Variants in UBN2 observed in about 807,000 individuals in gnomAD.
UBN2 encodes ubinuclein 2.
A neutral mutation model predicts 120.2 loss-of-function variants in UBN2; 35 were observed. That is an observed-to-expected ratio of 0.29 (90% CI 0.22 to 0.39). The LOEUF is 0.39. UBN2 is among the 10% of genes least tolerant of loss of function. UBN2 has a pLI of 1.00. For synonymous variants in UBN2, 661 were observed against 648.7 expected (o/e 1.02, Z -0.29); for missense variants, 1,693 against 1,663.2 (o/e 1.02, Z -0.31).
the UBN2 span, among the ~76,000 whole-genome samples, chr7:139,327,646 C>G: frequency 1.3e-5 from 2 of 152,148 alleles, no homozygotes; most frequent in Non-Finnish European, 2.9e-5. Context: ...GCCTCACCTC[C>G]CAACACTTGC....
At position 139,293,534 on chromosome 7, in the gene UBN2, A is replaced by G. The variant is rs1057493081; in HGVS notation, c.3901+71A>G. 7 of 1,323,736 alleles carry G rather than the reference A, an allele frequency of 5.3e-6. No homozygotes were observed. In the East Asian group the frequency reaches 9.3e-5, roughly 18 times the overall value. 82.0% of individuals were successfully genotyped at this position (1,323,736 alleles called of 1,614,324 possible). On this transcript the variant is annotated intron_variant, in intron 16 of 17. Transcript: ENST00000473989. Reference sequence around the variant, plus strand: ...ACAGGAAACCTCACAAATTTATTCTAATTAAGAGTAGTCCAGTTGGAGTTA... The same window carrying G: ...ACAGGAAACCTCACAAATTTATTCTGATTAAGAGTAGTCCAGTTGGAGTTA...
chr7:139,248,383 C>CT (rs1347597535), intron 2 of UBN2, among the ~76,000 whole-genome samples: 2 of 152,084 alleles, frequency 1.3e-5, no homozygotes, highest in Non-Finnish European at 2.9e-5. Context: ...TTGGTACATT[C>CT]TTTATCAGCA....
the UBN2 span, among the ~76,000 whole-genome samples, chr7:139,324,274 T>G: frequency 6.6e-6 from 1 of 152,128 alleles, no homozygotes; most frequent in South Asian, 2.1e-4. Flanking sequence ...AACTGCCAAT[T>G]TTAAAAGAAA....
chr7:139,296,063 G>A (rs1305515853), intron 17 of UBN2, among the ~76,000 whole-genome samples: 1 of 152,168 alleles, frequency 6.6e-6, no homozygotes, highest in Non-Finnish European at 1.5e-5. Flanking sequence ...TCTCTTGCTT[G>A]TAAACTGGAG....
chr7:139,280,042 A>C (rs1797558691), intron 13 of UBN2, among the ~76,000 whole-genome samples: 1 of 152,188 alleles, frequency 6.6e-6, no homozygotes, highest in South Asian at 2.1e-4. Flanking sequence ...CAAGCTGAAA[A>C]AGTAGCTTGG....
At chr7:139,244,683 C>T (rs900036578) in intron 2 of UBN2, among the ~76,000 whole-genome samples, 1 of 152,016 alleles carries the variant, frequency 6.6e-6, no homozygotes, top group Non-Finnish European at 1.5e-5. Flanking sequence ...GCATTTTATA[C>T]ATATCTATAG....
chr7:139,320,024 C>T, the UBN2 span, among the ~76,000 whole-genome samples: 125 of 150,452 alleles, frequency 8.3e-4, 1 homozygote, highest in Non-Finnish European at 1.3e-3. Context: ...TGCAGTGAGC[C>T]GAGATCGTGC....
chr7:139,319,386 A>G, the UBN2 span, among the ~76,000 whole-genome samples: 6 of 152,016 alleles, frequency 3.9e-5, no homozygotes, highest in Admixed American at 3.3e-4. Flanking sequence ...CCCGGTCCAC[A>G]AGAGTCTTGA....
intron 1 of UBN2, among the ~76,000 whole-genome samples, chr7:139,235,715 G>A (rs918934223): frequency 1.3e-5 from 2 of 152,074 alleles, no homozygotes; most frequent in African/African-American, 4.8e-5. Flanking sequence ...CCTTTCATTG[G>A]TAGCTTCTGT....
In UBN2 at chr7:139,298,057, C is replaced by T. The variant is rs1283763500; in HGVS notation, c.*221C>T. On this transcript the variant is annotated 3_prime_UTR_variant, in exon 18 of 18. Transcript: ENST00000473989. The stretch of plus-strand genomic sequence containing the variant: ...GTGCAAAGTTAGTGACCTTTGGTCT[C>T]TTCTAAAGAATGACAGAGTTACCGT... The T allele has an allele frequency of 6.0e-6, 3 of 499,764 alleles. No individual in the cohort carries two copies. The highest frequency in any genetic ancestry group is 5.8e-5 in the African/African-American group (3 of 51,934). 31.0% of individuals were successfully genotyped at this position (499,764 alleles called of 1,614,324 possible).
chr7:139,268,322 A>G (rs1281588942), intron 7 of UBN2, among the ~76,000 whole-genome samples: 1 of 151,322 alleles, frequency 6.6e-6, no homozygotes, highest in East Asian at 1.9e-4. Flanking sequence ...TCACTTTCTT[A>G]TTCCCTCAGC....
chr7:139,264,491 C>T (rs1344154987), intron 6 of UBN2, among the ~76,000 whole-genome samples: 1 of 152,158 alleles, frequency 6.6e-6, no homozygotes, highest in Non-Finnish European at 1.5e-5. Flanking sequence ...ACACCAGATT[C>T]TTTTGTCTGC....
chr7:139,317,092 T>A, the UBN2 span, among the ~76,000 whole-genome samples: 1 of 151,656 alleles, frequency 6.6e-6, no homozygotes, highest in Non-Finnish European at 1.5e-5. Context: ...GTTCCTAAAT[T>A]TCATTACAAT....
intron 8 of UBN2, among the ~76,000 whole-genome samples, chr7:139,270,442 A>G (rs1316262793): frequency 6.6e-6 from 1 of 151,624 alleles, no homozygotes; most frequent in Non-Finnish European, 1.5e-5. Flanking sequence ...CTAGTTTCCT[A>G]TTTTAGTAAA....
rs1033738958 is a variant in UBN2 at position 139,303,790 on chromosome 7, CAT to C, written c.*5957_*5958del. ...AATCACTGGAATTTTAATTTAGATA[CAT>C]ATTTGTTATTTAAACATTATCTTTG... On this transcript the variant is annotated 3_prime_UTR_variant, in exon 18 of 18. Coordinates refer to ENST00000473989, the MANE Select transcript of UBN2 (RefSeq NM_173569.4). 6.6e-6 allele frequency: 1 copy of C among 152,052 alleles called. No individual in the cohort carries two copies. Among genetic ancestry groups the C allele is most frequent in the African/African-American group, 2.4e-5 (1 of 41,388 alleles). 9.4% of individuals were successfully genotyped at this position (152,052 alleles called of 1,614,324 possible). A position where few individuals can be genotyped will look rare whatever the true frequency, so the allele number is the denominator to read the frequency against.
intron 2 of UBN2, among the ~76,000 whole-genome samples, chr7:139,237,580 T>A (rs1364755073): frequency 6.6e-6 from 1 of 152,106 alleles, no homozygotes; most frequent in East Asian, 1.9e-4. Flanking sequence ...CTTTCTAGAG[T>A]CTGGGCGGTT....
At chr7:139,292,558 T>G (rs1344763151) in intron 15 of UBN2, among the ~76,000 whole-genome samples, 1 of 152,148 alleles carries the variant, frequency 6.6e-6, no homozygotes, top group African/African-American at 2.4e-5. Context: ...AGTCTGTCAT[T>G]CTGTTTGATA....
intron 6 of UBN2, among the ~76,000 whole-genome samples, chr7:139,265,862 A>G (rs1315708022): frequency 1.3e-5 from 2 of 152,162 alleles, no homozygotes; most frequent in African/African-American, 2.4e-5. Context: ...TGACACCTTC[A>G]TTTCAGCCCG....
intron 17 of UBN2, among the ~76,000 whole-genome samples, chr7:139,295,379 T>C (rs1220700255): frequency 6.6e-6 from 1 of 152,158 alleles, no homozygotes; most frequent in Non-Finnish European, 1.5e-5. Flanking sequence ...GACTAAAGCA[T>C]GTCCCCCCCT....
Sources: allele counts gnomAD v4.1 joint callset (sites outside exome capture counted in the v4.1 genomes callset), GRCh38; gene constraint gnomAD v4.1.1; transcripts MANE v1.5; gene names NCBI Gene and HGNC (gene_info 2026-07-23, HGNC 2026-07-21).